FGF7: variants seen among roughly 807,000 people sequenced by gnomAD.
FGF7 encodes the protein fibroblast growth factor 7, also known as FGF-7.
In FGF7, 6 loss-of-function variants were observed where a neutral mutation model predicts 20.5. That is an observed-to-expected ratio of 0.29 (90% confidence interval 0.16 to 0.58). FGF7 has a LOEUF of 0.58. Ranked by LOEUF, FGF7 falls within the 20% of genes least tolerant of loss-of-function variation. The pLI, the probability that FGF7 is intolerant of heterozygous loss-of-function variation, is 0.90. For synonymous variants in FGF7, 64 were observed against 74.7 expected (o/e 0.86, Z 0.74); for missense variants, 144 against 228.8 (o/e 0.63, Z 2.39).
intron 2 of FGF7, among the ~76,000 whole-genome samples, chr15:49,460,860 T>C (rs924059961): frequency 4.6e-5 from 7 of 152,226 alleles, no homozygotes; most frequent in Admixed American, 6.5e-5. Flanking sequence ...TGTTTGATTA[T>C]GTTTTGTTTT....
chr15:49,440,712 G>C (rs1455752611), intron 2 of FGF7, among the ~76,000 whole-genome samples: 1 of 151,644 alleles, frequency 6.6e-6, no homozygotes, highest in Non-Finnish European at 1.5e-5. Context: ...AGGAAAATGA[G>C]GCTCAGTTTG....
At chr15:49,471,032 G>A (rs1222838325) in intron 2 of FGF7, among the ~76,000 whole-genome samples, 1 of 152,158 alleles carries the variant, frequency 6.6e-6, no homozygotes, top group Non-Finnish European at 1.5e-5. Context: ...TTTTTCTTGA[G>A]TAGATGTGAA....
intron 2 of FGF7, among the ~76,000 whole-genome samples, chr15:49,432,026 CTG>C (rs751002014): frequency 2.5e-4 from 38 of 151,784 alleles, no homozygotes; most frequent in Non-Finnish European, 5.0e-4. Context: ...GTGCCGAAAA[CTG>C]TAATAATCTT....
chr15:49,441,246 T>C (rs1221223970), intron 2 of FGF7, among the ~76,000 whole-genome samples: 1 of 151,648 alleles, frequency 6.6e-6, no homozygotes, highest in Non-Finnish European at 1.5e-5. Context: ...TGCCCACAAC[T>C]TAGATTTTCA....
At chr15:49,477,678 A>T (rs767869550) in intron 2 of FGF7, among the ~76,000 whole-genome samples, 3 of 152,226 alleles carry the variant, frequency 2.0e-5, no homozygotes, top group Non-Finnish European at 4.4e-5. Flanking sequence ...TTTTCAATTC[A>T]ATTGGGCAAA....
chr15:49,468,930 A>C (rs2054496909), intron 2 of FGF7, among the ~76,000 whole-genome samples: 1 of 152,114 alleles, frequency 6.6e-6, no homozygotes, highest in Non-Finnish European at 1.5e-5. Flanking sequence ...GTCACTTTTG[A>C]AAAAGTCAAT....
chr15:49,430,365 C>T (rs890038661), intron 2 of FGF7, among the ~76,000 whole-genome samples: 3 of 151,800 alleles, frequency 2.0e-5, no homozygotes, highest in Admixed American at 2.0e-4. Context: ...CACCTTATGA[C>T]TATGAACTCA....
intron 2 of FGF7, among the ~76,000 whole-genome samples, chr15:49,455,262 C>A (rs1005912326): frequency 6.6e-6 from 1 of 152,046 alleles, no homozygotes; most frequent in Non-Finnish European, 1.5e-5. Flanking sequence ...GTTAACAAAG[C>A]GGCCATGGTA....
At chr15:49,438,697 C>A (rs1042965583) in intron 2 of FGF7, among the ~76,000 whole-genome samples, 12 of 151,532 alleles carry the variant, frequency 7.9e-5, no homozygotes, top group Non-Finnish European at 1.8e-4. Context: ...AACTGAATGA[C>A]CTTGGGCAAA....
intron 2 of FGF7, among the ~76,000 whole-genome samples, chr15:49,440,789 A>G (rs1439125614): frequency 2.0e-5 from 3 of 151,694 alleles, no homozygotes; most frequent in Non-Finnish European, 3.0e-5. Flanking sequence ...GCTCTACAGA[A>G]ATGAAAAGCC....
chr15:49,479,599 G>GTTTTTTTTTTTTTTTTTTTTTTTTT (rs56097665), intron 2 of FGF7, among the ~76,000 whole-genome samples: 1 of 63,292 alleles, frequency 1.6e-5, no homozygotes, highest in Non-Finnish European at 2.8e-5. Context: ...TAATACCTCT[G>GTTTTTTTTTTTTTTTTTTTTTTTTT]TTTTTTTTTT....
At chr15:49,468,845 A>G (rs2054489874) in intron 2 of FGF7, among the ~76,000 whole-genome samples, 1 of 152,190 alleles carries the variant, frequency 6.6e-6, no homozygotes, top group African/African-American at 2.4e-5. Context: ...CGTGTTAAGC[A>G]GTCACTCTGC....
intron 2 of FGF7, among the ~76,000 whole-genome samples, chr15:49,462,074 G>A (rs1018242325): frequency 6.6e-6 from 1 of 151,976 alleles, no homozygotes; most frequent in Non-Finnish European, 1.5e-5. Context: ...AGCTGAGATC[G>A]TGCCACTGTA....
chr15:49,456,842 TG>T (rs1346369930), intron 2 of FGF7, among the ~76,000 whole-genome samples: 2 of 152,116 alleles, frequency 1.3e-5, no homozygotes, highest in Non-Finnish European at 2.9e-5. Flanking sequence ...AGTCCAACTT[TG>T]TTGATGAAAA....
intron 2 of FGF7, among the ~76,000 whole-genome samples, chr15:49,429,082 T>C (rs1046493039): frequency 6.6e-6 from 1 of 152,148 alleles, no homozygotes; most frequent in Non-Finnish European, 1.5e-5. Context: ...GCTTATATTC[T>C]AAACAGTTCT....
intron 2 of FGF7, among the ~76,000 whole-genome samples, chr15:49,429,039 C>T (rs2050366734): frequency 6.6e-6 from 1 of 152,008 alleles, no homozygotes; most frequent in African/African-American, 2.4e-5. Context: ...AGCAAATACA[C>T]ATATTGCCTC....
intron 2 of FGF7, among the ~76,000 whole-genome samples, chr15:49,460,141 G>A (rs945372974): frequency 6.6e-6 from 1 of 152,088 alleles, no homozygotes; most frequent in Non-Finnish European, 1.5e-5. Flanking sequence ...TATCATGGAA[G>A]AGGCAAGCCC....
At chr15:49,452,182 C>T (rs2052817422) in intron 2 of FGF7, among the ~76,000 whole-genome samples, 1 of 152,054 alleles carries the variant, frequency 6.6e-6, no homozygotes, top group Non-Finnish European at 1.5e-5. Context: ...TCTGGCACTA[C>T]AGGTGCATGC....
intron 2 of FGF7, among the ~76,000 whole-genome samples, chr15:49,481,550 G>A (rs1274590129): frequency 2.6e-5 from 4 of 152,152 alleles, no homozygotes; most frequent in Non-Finnish European, 5.9e-5. Flanking sequence ...AATCCTTCAT[G>A]TGCTTGTAAG....
Sources: allele counts gnomAD v4.1 joint callset (sites outside exome capture counted in the v4.1 genomes callset), GRCh38; gene constraint gnomAD v4.1.1; transcripts MANE v1.5; gene names NCBI Gene and HGNC (gene_info 2026-07-23, HGNC 2026-07-21).